The following SEMA3A variants were observed in gnomAD, a reference collection of about 807,000 sequenced individuals.
SEMA3A encodes the protein semaphorin 3A, also known as semaphorin-3A.
SEMA3A carries 29 observed loss-of-function variants against 97.9 expected under a neutral mutation model. That is an observed-to-expected ratio of 0.30 (90% CI 0.22 to 0.40). The LOEUF is 0.40. Among genes scored for constraint, SEMA3A ranks in the 10% least tolerant of loss-of-function variants. SEMA3A has a pLI of 1.00. For missense variants in SEMA3A, 763 were observed against 951.3 expected, an observed-to-expected ratio of 0.80 and a Z score of 2.60; for synonymous variants, 321 against 323.7, an observed-to-expected ratio of 0.99 and a Z score of 0.09.
chr7:84,449,034 C>A (rs1351944173), intron 1 of SEMA3A, among the ~76,000 whole-genome samples: 1 of 152,076 alleles, frequency 6.6e-6, no homozygotes, highest in Non-Finnish European at 1.5e-5. Context: ...TTGCCAAGAC[C>A]ATTCAAGGGA....
At chr7:84,246,626 C>T (rs895064210) in intron 3 of SEMA3A, among the ~76,000 whole-genome samples, 2 of 151,766 alleles carry the variant, frequency 1.3e-5, no homozygotes, top group African/African-American at 4.8e-5. Flanking sequence ...CTAATAATTG[C>T]TACTAATTTG....
In SEMA3A at chr7:84,344,959, C is replaced by T. The variant is rs576381108; in HGVS notation, c.-169+26865G>A. Among the ~76,000 whole-genome samples the T allele has an allele frequency of 3.9e-5, 6 of 152,114 alleles. No individual in the cohort carries two copies. In the South Asian group the frequency reaches 1.0e-3, roughly 26 times the overall value. ...CTGGAAAAACACTTTATCCAGAATA[C>T]GTAAAGAACATCTACAACACATTAA... On this transcript the variant is annotated intron_variant, in intron 2 of 3. Coordinates refer to the SEMA3A transcript ENST00000424555.
At chr7:83,990,411 G>T (rs1258427875) in intron 12 of SEMA3A, among the ~76,000 whole-genome samples, 1 of 148,880 alleles carries the variant, frequency 6.7e-6, no homozygotes, top group Non-Finnish European at 1.5e-5. Flanking sequence ...TGTCCTGAAT[G>T]GTAATGCCTA....
At chr7:84,089,751 G>A (rs1027079378) in intron 4 of SEMA3A, among the ~76,000 whole-genome samples, 3 of 151,782 alleles carry the variant, frequency 2.0e-5, no homozygotes, top group South Asian at 4.1e-4. Context: ...GTAAATATAT[G>A]TATACAGATA....
At chr7:84,464,002 C>T (rs1477124470) in intron 1 of SEMA3A, among the ~76,000 whole-genome samples, 2 of 152,132 alleles carry the variant, frequency 1.3e-5, no homozygotes, top group Non-Finnish European at 2.9e-5. Flanking sequence ...AGGTCCTGGG[C>T]ATGGCTGATG....
At chr7:84,468,342 TG>T (rs1806059155) in intron 1 of SEMA3A, among the ~76,000 whole-genome samples, 1 of 152,230 alleles carries the variant, frequency 6.6e-6, no homozygotes, top group African/African-American at 2.4e-5. Flanking sequence ...CAGGACCACC[TG>T]GGACTCATTC....
At chr7:84,133,706 A>G (rs780046989) in intron 2 of SEMA3A, among the ~76,000 whole-genome samples, 8 of 152,056 alleles carry the variant, frequency 5.3e-5, no homozygotes, top group Non-Finnish European at 1.2e-4. Flanking sequence ...TAGACTTAGT[A>G]GCACAATTTT....
At chr7:84,162,308 A>C (rs1156522051) in intron 1 of SEMA3A, among the ~76,000 whole-genome samples, 2 of 152,116 alleles carry the variant, frequency 1.3e-5, no homozygotes, top group African/African-American at 4.8e-5. Context: ...CTGTGTGTAC[A>C]CAATAGTAGG....
At chr7:84,429,552 A>C (rs1362374241) in intron 1 of SEMA3A, among the ~76,000 whole-genome samples, 1 of 102,872 alleles carries the variant, frequency 9.7e-6, no homozygotes, top group Non-Finnish European at 2.1e-5. Flanking sequence ...ATATATAGCG[A>C]GAGAGAGAGA....
At chr7:83,995,721 C>T (rs149418939) in intron 12 of SEMA3A, among the ~76,000 whole-genome samples, 1 of 151,868 alleles carries the variant, frequency 6.6e-6, no homozygotes. Context: ...AAAATTAAAA[C>T]AGCATCTTTT....
intron 3 of SEMA3A, among the ~76,000 whole-genome samples, chr7:84,121,284 A>T (rs1449225912): frequency 6.6e-6 from 1 of 152,138 alleles, no homozygotes; most frequent in East Asian, 1.9e-4. Context: ...ATATGTATAC[A>T]TGTGCCATGT....
chr7:84,115,813 T>C (rs1795408340), intron 3 of SEMA3A, among the ~76,000 whole-genome samples: 1 of 152,194 alleles, frequency 6.6e-6, no homozygotes, highest in African/African-American at 2.4e-5. Flanking sequence ...ATTTCAAAAA[T>C]GATATTCTGT....
chr7:84,066,495 A>ACGACATGAT, intron 4 of SEMA3A, among the ~76,000 whole-genome samples: 1 of 147,324 alleles, frequency 6.8e-6, no homozygotes, highest in East Asian at 2.0e-4. Flanking sequence ...CTGTTTGCAG[A>ACGACATGAT]CGACATGATC....
At chr7:84,379,573 A>G (rs1033590324) in intron 1 of SEMA3A, among the ~76,000 whole-genome samples, 36 of 152,316 alleles carry the variant, frequency 2.4e-4, no homozygotes, top group Middle Eastern at 3.4e-3. Flanking sequence ...ACATAATTGT[A>G]TCTATTTATA....
At chr7:84,472,965 C>T (rs567353920) in intron 1 of SEMA3A, among the ~76,000 whole-genome samples, 20 of 152,158 alleles carry the variant, frequency 1.3e-4, no homozygotes, top group South Asian at 6.2e-4. Context: ...GCATTAAAAA[C>T]GGTACTGTAT....
intron 1 of SEMA3A, among the ~76,000 whole-genome samples, chr7:84,476,853 C>T (rs1806296360): frequency 6.6e-6 from 1 of 151,760 alleles, no homozygotes; most frequent in Non-Finnish European, 1.5e-5. Context: ...TTTCTTGTAA[C>T]TTAGAGACAT....
chr7:84,233,566 TTAA>T (rs1197986235), intron 3 of SEMA3A, among the ~76,000 whole-genome samples: 1 of 152,002 alleles, frequency 6.6e-6, no homozygotes, highest in Non-Finnish European at 1.5e-5. Flanking sequence ...ATAATTTACA[TTAA>T]TAAAGGAATT....
chr7:84,449,868 C>T (rs1426484256), intron 1 of SEMA3A, among the ~76,000 whole-genome samples: 1 of 152,094 alleles, frequency 6.6e-6, no homozygotes, highest in Non-Finnish European at 1.5e-5. Context: ...TTTCACTTAG[C>T]ATAATATCCT....
chr7:84,475,181 T>G (rs932349806), intron 1 of SEMA3A, among the ~76,000 whole-genome samples: 2 of 152,108 alleles, frequency 1.3e-5, no homozygotes, highest in Non-Finnish European at 2.9e-5. Context: ...GTTTTGTTTT[T>G]TTTTTAACTA....
Sources: gnomAD v4.1 joint callset for allele counts (sites outside exome capture counted in the v4.1 genomes callset) on GRCh38, gnomAD v4.1.1 for gene constraint, MANE v1.5 for transcripts, NCBI Gene and HGNC (gene_info 2026-07-23, HGNC 2026-07-21) for gene names.